The following SPINT2 variants were observed in gnomAD, a reference collection of about 807,000 sequenced individuals.
The protein encoded by SPINT2 is serine peptidase inhibitor, Kunitz type 2.
Under a neutral mutation model 30.1 loss-of-function variants are expected in SPINT2, and 18 were observed. That is an observed-to-expected ratio of 0.60 (90% CI 0.41 to 0.89). The LOEUF is 0.89. Ranked by LOEUF, SPINT2 falls within the 40% of genes least tolerant of loss-of-function variation. SPINT2 has a pLI of 0.00. For missense variants in SPINT2, 276 were observed against 334.3 expected, an observed-to-expected ratio of 0.83 and a Z score of 1.36; for synonymous variants, 139 against 137.9, an observed-to-expected ratio of 1.01 and a Z score of -0.05.
chr19:38,283,606 G>T (rs368558072), intron 1 of SPINT2, 21 bp from the exon 2 acceptor site: 4 of 1,613,750 alleles, frequency 2.5e-6, no homozygotes, highest in Non-Finnish European at 3.4e-6. Context: ...CAAGCTAACC[G>T]GGTTGTGCTT....
chr19:38,288,785 G>GC (rs1030876306), intron 3 of SPINT2: 18 of 300,482 alleles, frequency 6.0e-5, no homozygotes, highest in Admixed American at 2.1e-4. Context: ...TCCTCTGCTA[G>GC]CCCCCCCACA....
intron 6 of SPINT2, 28 bp from the exon 7 acceptor site, chr19:38,291,812 C>T (rs753633899): frequency 3.2e-5 from 51 of 1,610,194 alleles, no homozygotes; most frequent in Middle Eastern, 2.2e-4. Flanking sequence ...TTGCCTGGCC[C>T]GTCCTGAGGC....
chr19:38,269,607 C>CTT lies in SPINT2; in HGVS notation c.106+4627_106+4628dup, dbSNP rs1189751582. 2.2e-3 allele frequency among the ~76,000 whole-genome samples: 229 copies of CTT among 106,138 alleles called. 3 individuals carry two copies. In the East Asian group the frequency reaches 0.023, roughly 11 times the overall value. 69.6% of individuals were successfully genotyped at this position (106,138 alleles called of 152,430 possible). A position where few individuals can be genotyped will look rare whatever the true frequency, so the allele number is the denominator to read the frequency against. ...TTTTAGTTGAGATGGGATTTCTTTT[C>CTT]TTTTTTTTTTTTTTTTTTTGAGACG... On this transcript the variant is annotated intron_variant, in intron 1 of 6. Transcript: ENST00000301244.
At chr19:38,279,227 G>C (rs1347263631) in intron 1 of SPINT2, among the ~76,000 whole-genome samples, 1 of 151,280 alleles carries the variant, frequency 6.6e-6, no homozygotes, top group South Asian at 2.1e-4. Context: ...GGCCAGGTGC[G>C]GTGGCTCGTG....
chr19:38,287,596 G>C (rs544024682), intron 2 of SPINT2, among the ~76,000 whole-genome samples: 1 of 152,192 alleles, frequency 6.6e-6, no homozygotes. Context: ...CAAAGTACTG[G>C]AATTACAGCC....
Position 38,290,881 on chromosome 19 carries a change from G to T in SPINT2, c.592+306G>T. On this transcript the variant is annotated intron_variant, in intron 6 of 6. Coordinates refer to ENST00000301244, the MANE Select transcript of SPINT2 (RefSeq NM_021102.4). This position sits in a 1 kb window ranked among gnomAD's most constrained non-coding sequence, Gnocchi z 4.3. ...CGGGCCTGAGGCTGGCCTGAGGTGT[G>T]GAGGGAGCGCTGCTATGTGGGGCAT... is the stretch of plus-strand genomic sequence containing the variant. 2.0e-6 allele frequency: 1 copy of T among 496,122 alleles called. No individual in the cohort carries two copies. Among genetic ancestry groups the T allele is most frequent in the Non-Finnish European group, 3.7e-6 (1 of 270,232 alleles). 30.7% of individuals were successfully genotyped at this position (496,122 alleles called of 1,614,324 possible).
chr19:38,276,586 G>A (rs372018566), intron 1 of SPINT2, among the ~76,000 whole-genome samples: 118 of 151,734 alleles, frequency 7.8e-4, no homozygotes, highest in African/African-American at 2.8e-3. Context: ...AGCTTTCAGT[G>A]AGCCAAGATC....
intron 1 of SPINT2, among the ~76,000 whole-genome samples, chr19:38,280,872 T>G (rs76669970): frequency 1.3e-5 from 2 of 152,206 alleles, no homozygotes; most frequent in African/African-American, 4.8e-5. Context: ...GTGTACAATA[T>G]TCCCCTGAAG....
rs183570460 is a variant in SPINT2, at chr19:38,269,771, G to A, written c.106+4773G>A. Among the ~76,000 whole-genome samples, 1,378 of 151,048 alleles carry A rather than the reference G, an allele frequency of 9.1e-3. 15 individuals are homozygous for A. The highest frequency in any genetic ancestry group is 0.014 in the Non-Finnish European group (925 of 67,316). ...ACTACAGGCACCTGCCGCCACGCCCGGCTAATTTTTTGTATTTTTAGTAGA... is the reference window on the plus strand; with the variant it reads ...ACTACAGGCACCTGCCGCCACGCCCAGCTAATTTTTTGTATTTTTAGTAGA... On this transcript the variant is annotated intron_variant, in intron 1 of 6. Coordinates refer to ENST00000301244, the MANE Select transcript of SPINT2 (RefSeq NM_021102.4).
At chr19:38,289,044 C>T in intron 3 of SPINT2, 94 bp from the exon 4 acceptor site, 1 of 1,141,154 alleles carries the variant, frequency 8.8e-7, no homozygotes, top group Non-Finnish European at 1.3e-6. Flanking sequence ...AAGGCGTGTC[C>T]ACACTCCTCA....
intron 1 of SPINT2, among the ~76,000 whole-genome samples, chr19:38,274,431 A>C (rs1968492891): frequency 6.6e-6 from 1 of 152,062 alleles, no homozygotes; most frequent in South Asian, 2.1e-4. Flanking sequence ...ATAGCAAATA[A>C]CTTCTCCTTG....
In SPINT2 at chr19:38,283,785, G is replaced by GCCA; in HGVS notation, c.267_269dup (p.Thr90dup). On this transcript the variant is annotated inframe_insertion, in exon 2 of 7. Coordinates refer to ENST00000301244, the MANE Select transcript of SPINT2 (RefSeq NM_021102.4). ...CAAGGAGGAGTGCCTCAAGAAATGT[G>GCCA]CCACTGTCACAGGTGAGATGGCAGT... 1 of 1,612,006 alleles carries GCCA rather than the reference G, an allele frequency of 6.2e-7. No homozygotes were observed. Among genetic ancestry groups the GCCA allele is most frequent in the East Asian group, 2.2e-5 (1 of 44,772 alleles).
intron 1 of SPINT2, among the ~76,000 whole-genome samples, chr19:38,280,741 A>C (rs1968571648): frequency 6.6e-6 from 1 of 152,076 alleles, no homozygotes; most frequent in African/African-American, 2.4e-5. Flanking sequence ...ACCCTGCTTC[A>C]TTCTCAGGTG....
At chr19:38,281,235 T>C (rs1019184832) in intron 1 of SPINT2, among the ~76,000 whole-genome samples, 1 of 152,056 alleles carries the variant, frequency 6.6e-6, no homozygotes, top group Non-Finnish European at 1.5e-5. Flanking sequence ...TGGTTTTGGT[T>C]GATGTGTAAT....
At chr19:38,289,101 C>T (rs555614826) in intron 3 of SPINT2, 37 bp from the exon 4 acceptor site, 97 of 1,606,388 alleles carry the variant, frequency 6.0e-5, no homozygotes, top group African/African-American at 5.7e-4. Flanking sequence ...GTCCTGTGTC[C>T]GGCCCAGCCT....
At chr19:38,286,087 A>G (rs1196147198) in intron 2 of SPINT2, among the ~76,000 whole-genome samples, 2 of 152,252 alleles carry the variant, frequency 1.3e-5, no homozygotes, top group East Asian at 1.9e-4. Context: ...ACTGGCTGCA[A>G]TGTGTGTCTC....
rs749123119 is a variant in SPINT2, at chr19:38,292,017, G to A, written c.*11G>A. The A allele has an allele frequency of 1.2e-6, 2 of 1,613,676 alleles. No individual in the cohort carries two copies. The highest frequency in any genetic ancestry group is 1.7e-6 in the Non-Finnish European group (2 of 1,179,890). ...ACATATGTCCTGTGACCGCCCTGTC[G>A]CCAAGAGGACTGGGGAAGGGAGGGG... On this transcript the variant is annotated 3_prime_UTR_variant, in exon 7 of 7. Transcript: ENST00000301244.
At position 38,275,651 on chromosome 19, in the gene SPINT2, G is replaced by A. The variant is rs536823608; in HGVS notation, c.107-7976G>A. 2.0e-5 allele frequency among the ~76,000 whole-genome samples: 3 copies of A among 152,124 alleles called. No homozygotes were observed. The East Asian group carries it at 5.8e-4, about 29-fold the overall frequency. ...TTGCCCAGGCTGGTCTTGAACTCGT[G>A]ACCTCAAATGATCCTCCTGCCTCGG... On this transcript the variant is annotated intron_variant, in intron 1 of 6. Transcript: ENST00000301244.
intron 1 of SPINT2, among the ~76,000 whole-genome samples, chr19:38,277,334 C>T (rs1261580157): frequency 6.6e-6 from 1 of 151,980 alleles, no homozygotes; most frequent in Non-Finnish European, 1.5e-5. Flanking sequence ...CATCCTCTGC[C>T]TCCCGGTACA....
Sources: gnomAD v4.1 joint callset for allele counts (sites outside exome capture counted in the v4.1 genomes callset) on GRCh38, gnomAD v4.1.1 for gene constraint, Gnocchi (gnomAD v3.1) non-coding constraint, MANE v1.5 for transcripts, NCBI Gene and HGNC (gene_info 2026-07-23, HGNC 2026-07-21) for gene names.